GLT8D2: variants seen among roughly 807,000 people sequenced by gnomAD.
GLT8D2 encodes the protein glycosyltransferase 8 domain containing 2.
A neutral mutation model predicts 44.5 loss-of-function variants in GLT8D2; 45 were observed. The ratio of observed to expected loss-of-function variants is 1.01; its 90% CI spans 0.80 to 1.30. The LOEUF is 1.30. Ranked by LOEUF, GLT8D2 falls within the 50% of genes most tolerant of loss-of-function variation. The pLI, the probability that GLT8D2 is intolerant of heterozygous loss-of-function variation, is 0.00. For synonymous variants in GLT8D2, 156 were observed against 157.2 expected (o/e 0.99, Z 0.06); for missense variants, 400 against 430.4 (o/e 0.93, Z 0.62).
chr12:104,053,613 G>A (rs1034419938), upstream of GLT8D2, among the ~76,000 whole-genome samples: 9 of 152,172 alleles, frequency 5.9e-5, no homozygotes, highest in East Asian at 1.9e-4. Flanking sequence ...AGCCGGGCGC[G>A]GTGGCTCACA....
intron 4 of GLT8D2, chr12:104,012,738 G>A (rs1876042370): frequency 1.5e-6 from 1 of 679,680 alleles, no homozygotes; most frequent in Admixed American, 2.2e-5. Context: ...CAGCATCTCA[G>A]GATGTCCATG....
intron 10 of GLT8D2, 108 bp from the exon 11 acceptor site, chr12:103,989,685 G>T: frequency 1.0e-6 from 1 of 999,032 alleles, no homozygotes; most frequent in Non-Finnish European, 1.4e-6. Context: ...AAATAAAAAG[G>T]TTATACAGTG....
chr12:104,038,656 A>T (rs1305572018), intron 1 of GLT8D2, among the ~76,000 whole-genome samples: 1 of 152,368 alleles, frequency 6.6e-6, no homozygotes, highest in Non-Finnish European at 1.5e-5. Flanking sequence ...GGACACAAAC[A>T]AATGGAAGAA....
At chr12:104,023,239 A>G (rs1878140349) in intron 1 of GLT8D2, among the ~76,000 whole-genome samples, 1 of 152,234 alleles carries the variant, frequency 6.6e-6, no homozygotes. Flanking sequence ...CATGGCACAC[A>G]CTTAACTATG....
intron 1 of GLT8D2, among the ~76,000 whole-genome samples, chr12:104,033,755 C>T (rs1879602745): frequency 6.6e-6 from 1 of 150,760 alleles, no homozygotes; most frequent in African/African-American, 2.4e-5. Context: ...CATTGTACTC[C>T]TTGAAAATAT....
chr12:103,998,454 G>A (rs1158693331), intron 6 of GLT8D2, among the ~76,000 whole-genome samples: 3 of 151,880 alleles, frequency 2.0e-5, no homozygotes, highest in African/African-American at 7.3e-5. Flanking sequence ...CTGTTGCCTA[G>A]GCTGGAGTGC....
At chr12:104,024,141 G>A (rs747423208) in intron 1 of GLT8D2, among the ~76,000 whole-genome samples, 2 of 152,096 alleles carry the variant, frequency 1.3e-5, no homozygotes, top group Non-Finnish European at 2.9e-5. Flanking sequence ...CTGCACTTTG[G>A]GAAGCCAAGA....
chr12:103,991,206 A>AGAT (rs1413152910), intron 10 of GLT8D2, among the ~76,000 whole-genome samples: 1 of 151,796 alleles, frequency 6.6e-6, no homozygotes, highest in East Asian at 1.9e-4. Context: ...TTTTCTTTTG[A>AGAT]GATGGAGTCT....
chr12:104,015,220 G>A, intron 3 of GLT8D2, 115 bp from the exon 4 acceptor site: 2 of 705,058 alleles, frequency 2.8e-6, no homozygotes, highest in Non-Finnish European at 4.9e-6. Flanking sequence ...AGTGGTATCT[G>A]AGACCTTTCT....
chr12:104,051,387 A>G (rs773105565), upstream of GLT8D2, among the ~76,000 whole-genome samples: 1 of 152,208 alleles, frequency 6.6e-6, no homozygotes, highest in Non-Finnish European at 1.5e-5. Context: ...ACAAGATGTT[A>G]TCATTTCAAC....
chr12:104,031,619 A>C, intron 1 of GLT8D2: 4 of 1,476,770 alleles, frequency 2.7e-6, no homozygotes, highest in Non-Finnish European at 3.8e-6. Flanking sequence ...CCACCTGCAC[A>C]TGTCACACTG....
intron 3 of GLT8D2, among the ~76,000 whole-genome samples, chr12:104,015,889 G>C (rs541943850): frequency 2.4e-4 from 37 of 152,248 alleles, no homozygotes; most frequent in African/African-American, 8.4e-4. Flanking sequence ...TGTAATCCCA[G>C]CTATTTGGGA....
chr12:104,007,303 T>C (rs1875199948), intron 4 of GLT8D2, among the ~76,000 whole-genome samples: 1 of 113,546 alleles, frequency 8.8e-6, no homozygotes, highest in Non-Finnish European at 1.7e-5. Context: ...CCCCTCCCCC[T>C]TCTCTTTCCA....
At chr12:103,992,513 A>C (rs758222998) in intron 10 of GLT8D2, among the ~76,000 whole-genome samples, 1 of 135,374 alleles carries the variant, frequency 7.4e-6, no homozygotes, top group Admixed American at 7.8e-5. Flanking sequence ...TTTTTTTGAG[A>C]TAGAGTTTCG....
At chr12:104,025,707 T>C (rs1878490988) in intron 1 of GLT8D2, among the ~76,000 whole-genome samples, 1 of 152,232 alleles carries the variant, frequency 6.6e-6, no homozygotes. Flanking sequence ...TATCCAGTTG[T>C]TCCAAGACCA....
At chr12:103,993,941 G>T (rs904261370) in intron 9 of GLT8D2, 1 of 161,488 alleles carries the variant, frequency 6.2e-6, no homozygotes, top group Non-Finnish European at 1.3e-5. Flanking sequence ...CTCCGATAAC[G>T]AAAAATTATA....
rs188650088 is a variant in GLT8D2, at chr12:104,013,613, A to G, written c.112+1400T>C. Among the ~76,000 whole-genome samples the G allele has an allele frequency of 3.8e-4, 58 of 152,280 alleles. 1 individual carries two copies. The highest frequency in any genetic ancestry group is 3.7e-4 in the Non-Finnish European group (25 of 68,026). ...TTAATTATTTTTAAATGAATTTTTA[A>G]ATTACAAAATATAATCAGAAAGAAA... On this transcript the variant is annotated intron_variant, in intron 4 of 10. Transcript: ENST00000360814.
intron 1 of GLT8D2, among the ~76,000 whole-genome samples, chr12:104,056,289 C>T (rs935079269): frequency 7.2e-5 from 11 of 152,318 alleles, no homozygotes; most frequent in African/African-American, 2.6e-4. Context: ...TCTCTGCTAT[C>T]GAGTTCTGCC....
At chr12:104,047,224 G>A (rs1399172461) in intron 1 of GLT8D2, among the ~76,000 whole-genome samples, 2 of 152,040 alleles carry the variant, frequency 1.3e-5, no homozygotes, top group Non-Finnish European at 2.9e-5. Flanking sequence ...AGTGCCTGGT[G>A]GGGGCCTACT....
Sources: gnomAD v4.1 joint callset for allele counts (sites outside exome capture counted in the v4.1 genomes callset) on GRCh38, gnomAD v4.1.1 for gene constraint, MANE v1.5 for transcripts, NCBI Gene and HGNC (gene_info 2026-07-23, HGNC 2026-07-21) for gene names.